FANCI: variants seen among roughly 807,000 people sequenced by gnomAD.
FANCI encodes FA complementation group I, also known as Fanconi anemia group I protein.
A neutral mutation model predicts 176.1 loss-of-function variants in FANCI; 156 were observed. The observed-to-expected ratio is 0.89, with a 90% confidence interval of 0.78 to 1.01. The LOEUF is 1.01. Ranked by LOEUF, FANCI falls within the 50% of genes least tolerant of loss-of-function variation. The probability of loss-of-function intolerance (pLI) is 0.00; values close to 1 mark genes in which losing one functional copy is unlikely to be tolerated. For synonymous variants in FANCI, 613 were observed against 541.7 expected (o/e 1.13, Z -1.83); for missense variants, 1,678 against 1,534.1 (o/e 1.09, Z -1.57).
chr15:89,278,417 G>T (rs963936426), intron 13 of FANCI, among the ~76,000 whole-genome samples: 3 of 152,314 alleles, frequency 2.0e-5, no homozygotes, highest in South Asian at 2.1e-4. Context: ...AATTGATCCT[G>T]TTTGATGCTG....
At chr15:89,249,609 C>T (rs1195454968) in intron 2 of FANCI, among the ~76,000 whole-genome samples, 1 of 152,160 alleles carries the variant, frequency 6.6e-6, no homozygotes, top group Non-Finnish European at 1.5e-5. Context: ...CAGCCTCCCA[C>T]AGTGCCGGGA....
intron 18 of FANCI, among the ~76,000 whole-genome samples, chr15:89,289,818 G>C (rs2053991368): frequency 6.6e-6 from 1 of 151,492 alleles, no homozygotes; most frequent in South Asian, 2.1e-4. Context: ...AGCCTCCCGA[G>C]TAGCTGTGAT....
Position 89,289,934 on chromosome 15 carries a change from T to C in FANCI, c.1822-279T>C, listed in dbSNP as rs10163045. ...CTCGAGCTCTTGGCCTCAAGTGATC[T>C]GCCTGTCTCAGCCTCCCACAGTGCT... On this transcript the variant is annotated intron_variant, in intron 18 of 37. Coordinates refer to ENST00000310775, the MANE Select transcript of FANCI (RefSeq NM_001113378.2). Among the ~76,000 whole-genome samples, 66,130 of 151,856 alleles carry C rather than the reference T, an allele frequency of 0.44. 14,768 individuals carry two copies. The highest frequency in any genetic ancestry group is 0.52 in the African/African-American group (21,717 of 41,416).
chr15:89,295,990 CA>C (rs2151771950), intron 24 of FANCI, among the ~76,000 whole-genome samples: 1 of 151,956 alleles, frequency 6.6e-6, no homozygotes, highest in East Asian at 1.9e-4. Context: ...TTTTTGGAGA[CA>C]GGGTCTTGCT....
intron 27 of FANCI, among the ~76,000 whole-genome samples, chr15:89,303,367 G>A (rs1018594544): frequency 2.4e-4 from 36 of 152,208 alleles, no homozygotes; most frequent in African/African-American, 8.4e-4. Context: ...CCTTCACTTA[G>A]CTAAGAAAAT....
intron 27 of FANCI, 87 bp from the exon 28 acceptor site, chr15:89,303,777 T>C (rs2054610168): frequency 8.6e-6 from 10 of 1,168,864 alleles, no homozygotes; most frequent in Non-Finnish European, 1.3e-5. Context: ...TGCTTAGATA[T>C]GGAAAGGTCT....
chr15:89,297,353 C>T (rs1179898659), intron 24 of FANCI, among the ~76,000 whole-genome samples: 2 of 151,960 alleles, frequency 1.3e-5, no homozygotes, highest in Non-Finnish European at 1.5e-5. Flanking sequence ...ACTTCCCAGA[C>T]GGGGTGGCGG....
intron 34 of FANCI, among the ~76,000 whole-genome samples, chr15:89,310,699 C>T (rs1369928662): frequency 6.6e-6 from 1 of 152,266 alleles, no homozygotes; most frequent in East Asian, 1.9e-4. Flanking sequence ...TTCCACACCT[C>T]TCAGTGAACT....
rs150596713 is a variant in FANCI at position 89,296,509 on chromosome 15, G to A, written c.2636+1415G>A. 4.7e-3 allele frequency among the ~76,000 whole-genome samples: 711 copies of A among 152,180 alleles called. 6 individuals carry two copies. The highest frequency in any genetic ancestry group is 0.016 in the African/African-American group (644 of 41,528). ...CATGTTTCAGAGAGCACGGGGTTGC[G>A]GGTAAGGTCACAGATCAACAGGATC... On this transcript the variant is annotated intron_variant, in intron 24 of 37. Coordinates refer to ENST00000310775, the MANE Select transcript of FANCI (RefSeq NM_001113378.2).
At chr15:89,244,753 G>A (rs1485286734) in intron 1 of FANCI, among the ~76,000 whole-genome samples, 1 of 152,162 alleles carries the variant, frequency 6.6e-6, no homozygotes, top group Non-Finnish European at 1.5e-5. Context: ...CCACTTGGTA[G>A]CCTTCTAATC....
Position 89,305,209 on chromosome 15 carries a change from G to GGATA in FANCI, c.3154_3157dup (p.Ile1053ArgfsTer56). On this transcript the variant is annotated frameshift_variant, in exon 29 of 38. Coordinates refer to ENST00000310775, the MANE Select transcript of FANCI (RefSeq NM_001113378.2). LOFTEE classifies it high-confidence loss of function. ...TCATTCTGCTGCGTGACTTGTCCCA[G>GGATA]GATATCCACGGGCATCTGGGAGATA... The GGATA allele has an allele frequency of 6.2e-7, 1 of 1,614,210 alleles. No homozygotes were observed. The highest frequency in any genetic ancestry group is 8.5e-7 in the Non-Finnish European group (1 of 1,180,042).
intron 1 of FANCI, among the ~76,000 whole-genome samples, chr15:89,246,822 G>C (rs557468486): frequency 7.1e-4 from 98 of 137,664 alleles, no homozygotes; most frequent in South Asian, 1.4e-3. Context: ...CTGGAGTGCA[G>C]TGGCGTGATC....
At position 89,251,255 on chromosome 15, in the gene FANCI, C is replaced by T. The variant is rs554449795; in HGVS notation, c.84+3524C>T. Among the ~76,000 whole-genome samples the T allele has an allele frequency of 1.1e-4, 17 of 152,040 alleles. 2 individuals are homozygous for T. In the South Asian group the frequency reaches 1.9e-3, roughly 17 times the overall value. On this transcript the variant is annotated intron_variant, in intron 2 of 37. Coordinates refer to ENST00000310775, the MANE Select transcript of FANCI (RefSeq NM_001113378.2). ...GCACGTACAGTTTAATAAAATTGAG[C>T]CAATTTGAGATGGAAAGCTTAAGCA...
At chr15:89,314,793 GA>G in intron 36 of FANCI, 86 bp downstream of exon 36, 2 of 899,826 alleles carry the variant, frequency 2.2e-6, no homozygotes, top group Non-Finnish European at 1.8e-6. Context: ...TACAATGGAG[GA>G]AAAGAGACTC....
At chr15:89,270,505 T>C (rs1162435192) in intron 10 of FANCI, among the ~76,000 whole-genome samples, 2 of 152,166 alleles carry the variant, frequency 1.3e-5, no homozygotes, top group Non-Finnish European at 2.9e-5. Flanking sequence ...TCAAATTTTA[T>C]ATCTTATTTT....
At chr15:89,273,532 A>T in intron 11 of FANCI, 63 bp downstream of exon 11, 1 of 962,236 alleles carries the variant, frequency 1.0e-6, no homozygotes, top group Non-Finnish European at 1.6e-6. Context: ...AAAAAAAAAA[A>T]AAATCACAGT....
intron 30 of FANCI, 53 bp downstream of exon 30, chr15:89,305,462 A>G: frequency 1.9e-6 from 3 of 1,611,752 alleles, no homozygotes; most frequent in Non-Finnish European, 2.5e-6. Context: ...TTTCCATTCT[A>G]CTCCATGTGA....
rs746232111 is a variant in FANCI, at chr15:89,312,917, G to A, written c.3665G>A (p.Ser1222Asn). The A allele has an allele frequency of 3.7e-6, 6 of 1,613,682 alleles. No individual in the cohort carries two copies. Among genetic ancestry groups the A allele is most frequent in the Non-Finnish European group, 4.2e-6 (5 of 1,179,778 alleles). The change falls in exon 35 of 38, where the codon AGC becomes AAC. Residue 1222 changes from serine (S) to asparagine (N), a missense_variant. Physicochemically the swap from Ser to Asn is conservative, Grantham distance 46. Around this residue, in one of 3 missense-constraint regions of FANCI, gnomAD observed 1,204 missense variants for 1,077.4 expected, o/e 1.12. Transcript: ENST00000310775. ...FISYVQNKSKSLNYTGEKKEK... is the reference protein window; with the variant it reads ...FISYVQNKSKNLNYTGEKKEK... Reference sequence around the variant, plus strand: ...CTATTTCTTTAGAATAAGAGTAAGAGCCTGAACTATACGGGAGAGAAAAAG... The same window carrying A: ...CTATTTCTTTAGAATAAGAGTAAGAACCTGAACTATACGGGAGAGAAAAAG...
At chr15:89,293,104 C>G in intron 22 of FANCI, 41 bp downstream of exon 22, 1 of 1,602,558 alleles carries the variant, frequency 6.2e-7, no homozygotes, top group Non-Finnish European at 8.5e-7. Flanking sequence ...TTGATGAATT[C>G]TCCATTTTAT....
Sources: allele counts gnomAD v4.1 joint callset (sites outside exome capture counted in the v4.1 genomes callset), GRCh38; gene constraint gnomAD v4.1.1; regional missense constraint gnomAD v4.1.1; transcripts MANE v1.5; gene names NCBI Gene and HGNC (gene_info 2026-07-23, HGNC 2026-07-21).